Variants in NUP88 observed in about 807,000 individuals in gnomAD.
The protein encoded by NUP88 is nucleoporin 88, also known as nuclear pore complex protein Nup88.
A neutral mutation model predicts 93.9 loss-of-function variants in NUP88; 57 were observed. The ratio of observed to expected loss-of-function variants is 0.61; its 90% CI spans 0.49 to 0.76. NUP88 has a LOEUF of 0.76. Ranked by LOEUF, NUP88 falls within the 30% of genes least tolerant of loss-of-function variation. The probability of loss-of-function intolerance (pLI) is 0.00; values close to 1 mark genes in which losing one functional copy is unlikely to be tolerated. For missense variants in NUP88, 911 were observed against 901.0 expected (o/e 1.01, Z -0.14); for synonymous variants, 346 against 336.8 (o/e 1.03, Z -0.30).
chr17:5,412,640 C>T (rs1444050915), intron 3 of NUP88, among the ~76,000 whole-genome samples: 5 of 151,888 alleles, frequency 3.3e-5, no homozygotes, highest in Non-Finnish European at 5.9e-5. Context: ...TCAACACTGC[C>T]CTCCAACACC....
At chr17:5,415,166 T>C (rs796688087) in intron 2 of NUP88, among the ~76,000 whole-genome samples, 11 of 151,868 alleles carry the variant, frequency 7.2e-5, no homozygotes, top group African/African-American at 2.7e-4. Context: ...ACTACAGGCG[T>C]GTGCCACCAC....
chr17:5,406,923 A>G (rs1229360798), intron 5 of NUP88, among the ~76,000 whole-genome samples: 2 of 152,138 alleles, frequency 1.3e-5, no homozygotes, highest in African/African-American at 4.8e-5. Flanking sequence ...TAAATCACAA[A>G]ATCAATAGAA....
At position 5,387,813 on chromosome 17, in the gene NUP88, T is replaced by G; in HGVS notation, c.1735A>C (p.Lys579Gln). The G allele has an allele frequency of 6.2e-7, 1 of 1,613,044 alleles. No individual in the cohort carries two copies. The change falls in exon 12 of 17, where the codon AAA (lysine) becomes CAA (glutamine). Residue 579 changes from lysine (K) to glutamine (Q), a missense_variant. Physicochemically the swap from Lys to Gln is moderately conservative, Grantham distance 53. Coordinates refer to ENST00000573584, the MANE Select transcript of NUP88 (RefSeq NM_002532.6). ...ATCTCCTCCTTTGCCAAGTCCTGTT[T>G]GAGAATGTACTGCTCTCTGAACACC... ...TQVFREQYIL[K>Q]QDLAKEEIQR...
At position 5,408,925 on chromosome 17, in the gene NUP88, A is replaced by C; in HGVS notation, c.681-16T>G. ...ATACGCCCTTCTGGAAAGAGATGTAAAAACCAACTTGTTAAAAACAAAAAC... is the reference window on the plus strand; with the variant it reads ...ATACGCCCTTCTGGAAAGAGATGTACAAACCAACTTGTTAAAAACAAAAAC... On this transcript the variant is annotated splice_polypyrimidine_tract_variant and intron_variant, in intron 4 of 16. Coordinates refer to ENST00000573584, the MANE Select transcript of NUP88 (RefSeq NM_002532.6). 6.5e-7 allele frequency: 1 copy of C among 1,535,866 alleles called. No homozygotes were observed. The highest frequency in any genetic ancestry group is 8.7e-7 in the Non-Finnish European group (1 of 1,144,422).
chr17:5,409,334 A>G (rs988551975), intron 4 of NUP88, among the ~76,000 whole-genome samples: 5 of 148,298 alleles, frequency 3.4e-5, no homozygotes, highest in Non-Finnish European at 7.4e-5. Context: ...AGATTGTGCC[A>G]TTGCACTCCA....
rs1339536806 is a variant in NUP88, at chr17:5,410,759, G to A, written c.624C>T (p.Pro208=). 3 of 1,612,394 alleles carry A rather than the reference G, an allele frequency of 1.9e-6. No individual in the cohort carries two copies. Among genetic ancestry groups the A allele is most frequent in the Middle Eastern group, 1.7e-4 (1 of 6,060 alleles). Residue 208 remains proline, a synonymous_variant, in exon 4 of 17, where the codon CCC becomes CCT. Transcript: ENST00000573584. ...RIYSLREPQT[P]TNVIILSEAE... ...CTTCTGAAAGTATTATCACGTTAGT[G>A]GGTGTCTGCGGCTCACGTAGTGAGT...
intron 4 of NUP88, 73 bp from the exon 5 acceptor site, chr17:5,408,982 C>CAA: frequency 7.6e-7 from 1 of 1,319,786 alleles, no homozygotes; most frequent in Non-Finnish European, 1.0e-6. Flanking sequence ...CAAAACAAAA[C>CAA]AAAAACACAA....
In NUP88 at chr17:5,396,471, C is replaced by A. The variant is rs143137729; in HGVS notation, c.1292-1490G>T. On this transcript the variant is annotated intron_variant, in intron 8 of 16. Transcript: ENST00000573584. ...TTGGAGCATGTATCAGTACTTCATT[C>A]CTTTTCATTGTTGAATAATACTCTG... is the stretch of plus-strand genomic sequence containing the variant. Among the ~76,000 whole-genome samples the A allele has an allele frequency of 4.6e-5, 7 of 152,298 alleles. No homozygotes were observed. The East Asian group carries it at 1.3e-3, about 29-fold the overall frequency.
chr17:5,384,866 G>GCAAT lies in NUP88; in HGVS notation c.*1336_*1339dup, dbSNP rs1257871353. The GCAAT allele has an allele frequency of 9.1e-6, 2 of 219,184 alleles. No homozygotes were observed. Among genetic ancestry groups the GCAAT allele is most frequent in the Admixed American group, 5.8e-5 (1 of 17,330 alleles). 13.6% of individuals were successfully genotyped at this position (219,184 alleles called of 1,614,324 possible). A position where few individuals can be genotyped will look rare whatever the true frequency, so the allele number is the denominator to read the frequency against. On this transcript the variant is annotated 3_prime_UTR_variant, in exon 17 of 17. Coordinates refer to ENST00000573584, the MANE Select transcript of NUP88 (RefSeq NM_002532.6). ...CAGGGGATTTTATTAATTATAAAAT[G>GCAAT]CAATCAATTTAAATTACGTAGGTTT...
chr17:5,404,278 G>C, intron 6 of NUP88, 32 bp from the exon 7 acceptor site: 2 of 1,608,532 alleles, frequency 1.2e-6, no homozygotes, highest in Non-Finnish European at 1.7e-6. Context: ...TTTTGATCTT[G>C]CATGTTAATT....
intron 5 of NUP88, among the ~76,000 whole-genome samples, chr17:5,406,466 C>T (rs1032913844): frequency 7.2e-5 from 11 of 152,108 alleles, no homozygotes; most frequent in African/African-American, 1.2e-4. Flanking sequence ...ATCTATCTGC[C>T]GGGTAACAGT....
chr17:5,400,139 T>TAAAAGAAAAAAAAAAAAA (rs199804588), intron 7 of NUP88, among the ~76,000 whole-genome samples: 1 of 111,614 alleles, frequency 9.0e-6, no homozygotes, highest in Non-Finnish European at 1.7e-5. Context: ...CTTTCATTTG[T>TAAAAGAAAAAAAAAAAAA]TAAAAAAAAA....
chr17:5,417,927 G>A (rs559161895), intron 1 of NUP88: 1 of 152,170 alleles, frequency 6.6e-6, no homozygotes, highest in African/African-American at 2.4e-5. Context: ...AGATCACGAG[G>A]TCAGGAGTTC....
chr17:5,387,240 T>C (rs929444354), intron 14 of NUP88, 130 bp from the exon 15 acceptor site: 65 of 1,277,966 alleles, frequency 5.1e-5, no homozygotes, highest in Non-Finnish European at 7.2e-5. Context: ...GGGGAGAGCC[T>C]CATGTTTTCC....
intron 7 of NUP88, among the ~76,000 whole-genome samples, chr17:5,402,567 C>G (rs1544399): frequency 0.44 from 66,459 of 152,084 alleles, 15,285 homozygotes; most frequent in East Asian, 0.84. Context: ...AAATGTTTTG[C>G]CTATACTTTA....
chr17:5,388,722 TGAG>T, intron 11 of NUP88, 77 bp downstream of exon 11: 1 of 1,267,034 alleles, frequency 7.9e-7, no homozygotes, highest in South Asian at 1.5e-5. Context: ...ATGAAACAGA[TGAG>T]GACAGAAAGG....
chr17:5,397,399 T>TA (rs1377931035), intron 8 of NUP88, among the ~76,000 whole-genome samples: 1 of 151,860 alleles, frequency 6.6e-6, no homozygotes, highest in African/African-American at 2.4e-5. Flanking sequence ...CGGGCAGACT[T>TA]AATGTTACCA....
At chr17:5,389,775 CAAAAAA>C (rs58723410) in intron 10 of NUP88, among the ~76,000 whole-genome samples, 1 of 76,590 alleles carries the variant, frequency 1.3e-5, no homozygotes, top group African/African-American at 4.8e-5. Flanking sequence ...GACTCTGTCT[CAAAAAA>C]AAAAAAAAAA....
chr17:5,391,445 A>G, intron 10 of NUP88, 116 bp downstream of exon 10: 1 of 745,962 alleles, frequency 1.3e-6, no homozygotes, highest in Non-Finnish European at 2.3e-6. Context: ...CTCAAGTCAG[A>G]AGCCAAAGTA....
Sources: allele counts gnomAD v4.1 joint callset (sites outside exome capture counted in the v4.1 genomes callset), GRCh38; gene constraint gnomAD v4.1.1; transcripts MANE v1.5; gene names NCBI Gene and HGNC (gene_info 2026-07-23, HGNC 2026-07-21).